Variants in GPC5 observed in about 807,000 individuals in gnomAD.
GPC5 encodes glypican-5.
GPC5 carries 47 observed loss-of-function variants against 53.9 expected under a neutral mutation model. That is an observed-to-expected ratio of 0.87 (90% CI 0.69 to 1.11). GPC5 has a LOEUF of 1.11. Among genes scored for constraint, GPC5 ranks in the 50% most tolerant of loss-of-function variants. The pLI is 0.00. For synonymous variants in GPC5, 286 were observed against 263.3 expected (o/e 1.09, Z -0.84); for missense variants, 748 against 713.1 (o/e 1.05, Z -0.56).
chr13:91,406,238 G>A (rs1036839031), intron 1 of GPC5, among the ~76,000 whole-genome samples: 1 of 152,134 alleles, frequency 6.6e-6, no homozygotes, highest in African/African-American at 2.4e-5. Flanking sequence ...ATTTAATAAA[G>A]CTTTAAGTAG....
intron 7 of GPC5, among the ~76,000 whole-genome samples, chr13:92,700,986 A>ATGAT (rs1159741680): frequency 1.3e-5 from 2 of 152,088 alleles, no homozygotes; most frequent in African/African-American, 2.4e-5. Context: ...TGAAATTCAC[A>ATGAT]TGATAGACTG....
rs115936130 is a variant in GPC5 at position 91,562,321 on chromosome 13, A to G, written c.325+113399A>G. On this transcript the variant is annotated intron_variant, in intron 2 of 7. Transcript: ENST00000377067. ...AATGTGGAAAAGAATAAAGTACAGC[A>G]TGAAAATTCATTCAACGATGTGTGT... Among the ~76,000 whole-genome samples, 556 of 152,240 alleles carry G rather than the reference A, an allele frequency of 3.7e-3. 4 individuals are homozygous for G. The highest frequency in any genetic ancestry group is 0.013 in the African/African-American group (528 of 41,558).
chr13:91,430,721 T>C (rs1879385655), intron 1 of GPC5, among the ~76,000 whole-genome samples: 2 of 152,352 alleles, frequency 1.3e-5, no homozygotes, highest in Non-Finnish European at 2.9e-5. Flanking sequence ...TTTTCTAGAC[T>C]GATGAAATCC....
intron 7 of GPC5, among the ~76,000 whole-genome samples, chr13:92,420,185 T>C (rs1876496028): frequency 6.6e-6 from 1 of 152,224 alleles, no homozygotes; most frequent in East Asian, 1.9e-4. Context: ...ATCAATGTAT[T>C]ATTTTCTGCT....
At chr13:92,516,236 G>A (rs148133416) in intron 7 of GPC5, among the ~76,000 whole-genome samples, 2 of 150,648 alleles carry the variant, frequency 1.3e-5, no homozygotes, top group African/African-American at 4.9e-5. Context: ...ACATACTGAG[G>A]TCTACACAAG....
chr13:92,773,455 A>G (rs936077928), intron 7 of GPC5, among the ~76,000 whole-genome samples: 3 of 152,192 alleles, frequency 2.0e-5, no homozygotes, highest in Non-Finnish European at 4.4e-5. Context: ...TCAGAAAAAT[A>G]ATTGGGCACC....
intron 7 of GPC5, among the ~76,000 whole-genome samples, chr13:92,417,190 G>A (rs976586316): frequency 6.6e-6 from 1 of 152,122 alleles, no homozygotes; most frequent in African/African-American, 2.4e-5. Context: ...CAAAAGACCT[G>A]AATTTTTTCC....
At chr13:92,088,066 G>A (rs575920143) in intron 6 of GPC5, among the ~76,000 whole-genome samples, 45 of 151,912 alleles carry the variant, frequency 3.0e-4, no homozygotes, top group Non-Finnish European at 5.2e-4. Context: ...CACCACAGCC[G>A]GGCCCCAACT....
chr13:92,795,191 A>T (rs1231994874), intron 7 of GPC5, among the ~76,000 whole-genome samples: 1 of 152,152 alleles, frequency 6.6e-6, no homozygotes, highest in Non-Finnish European at 1.5e-5. Context: ...ACAGATATAT[A>T]GACCAATGGA....
chr13:91,901,726 T>G (rs971934622), intron 5 of GPC5, among the ~76,000 whole-genome samples: 3 of 152,026 alleles, frequency 2.0e-5, no homozygotes, highest in Non-Finnish European at 4.4e-5. Context: ...ATACAACATA[T>G]TTCCCAGACC....
intron 2 of GPC5, among the ~76,000 whole-genome samples, chr13:91,670,834 A>AAC (rs2035228019): frequency 6.6e-6 from 1 of 152,226 alleles, no homozygotes; most frequent in Non-Finnish European, 1.5e-5. Context: ...AAACTGAACT[A>AAC]ACTTCACATG....
chr13:91,768,935 G>C (rs941296839), intron 5 of GPC5, among the ~76,000 whole-genome samples: 1 of 152,182 alleles, frequency 6.6e-6, no homozygotes, highest in African/African-American at 2.4e-5. Flanking sequence ...CACACCTGCA[G>C]TCAGAGGGCT....
At chr13:91,472,428 T>G in intron 2 of GPC5, among the ~76,000 whole-genome samples, 1 of 152,204 alleles carries the variant, frequency 6.6e-6, no homozygotes, top group South Asian at 2.1e-4. Flanking sequence ...ATCTGTAGAA[T>G]GGAGACAATG....
intron 7 of GPC5, among the ~76,000 whole-genome samples, chr13:92,468,180 T>C (rs1349042731): frequency 6.6e-6 from 1 of 152,122 alleles, no homozygotes; most frequent in Non-Finnish European, 1.5e-5. Flanking sequence ...GATTCAATTA[T>C]GGATTTAAGA....
At chr13:92,579,167 C>T (rs1221477638) in intron 7 of GPC5, among the ~76,000 whole-genome samples, 1 of 151,648 alleles carries the variant, frequency 6.6e-6, no homozygotes, top group Admixed American at 6.6e-5. Context: ...AGGGTAAGGT[C>T]GGATTCAAGC....
At chr13:91,549,267 T>A (rs79122801) in intron 2 of GPC5, among the ~76,000 whole-genome samples, 2 of 144,982 alleles carry the variant, frequency 1.4e-5, no homozygotes, top group African/African-American at 2.5e-5. Context: ...AAGATTCCAT[T>A]AAAAAAAAAA....
intron 7 of GPC5, among the ~76,000 whole-genome samples, chr13:92,300,755 C>A (rs992172788): frequency 1.3e-5 from 2 of 152,154 alleles, no homozygotes; most frequent in Non-Finnish European, 1.5e-5. Flanking sequence ...GTAAGCTTTT[C>A]TTCTATCTCT....
At position 92,227,613 on chromosome 13, in the gene GPC5, C is replaced by G. The variant is rs2042497543; in HGVS notation, c.1561+82624C>G. Among the ~76,000 whole-genome samples the G allele has an allele frequency of 2.0e-5, 3 of 151,882 alleles. No individual in the cohort carries two copies. The South Asian group carries it at 6.2e-4, about 32-fold the overall frequency. On this transcript the variant is annotated intron_variant, in intron 7 of 7. Coordinates refer to ENST00000377067, the MANE Select transcript of GPC5 (RefSeq NM_004466.6). ...ACAGAAAAACGAAACTTGGTAATAA[C>G]CAATATAATAAAGTAGAAGAAAATG...
intron 7 of GPC5, among the ~76,000 whole-genome samples, chr13:92,730,419 C>G (rs1220784475): frequency 2.0e-5 from 3 of 151,198 alleles, no homozygotes; most frequent in Non-Finnish European, 3.0e-5. Context: ...TATACTGTGC[C>G]TTTGGTCCTT....
Sources: gnomAD v4.1 joint callset for allele counts (sites outside exome capture counted in the v4.1 genomes callset) on GRCh38, gnomAD v4.1.1 for gene constraint, MANE v1.5 for transcripts, NCBI Gene and HGNC (gene_info 2026-07-23, HGNC 2026-07-21) for gene names.